DPYSL5: variants seen among roughly 807,000 people sequenced by gnomAD.
DPYSL5 encodes the protein dihydropyrimidinase like 5, also known as dihydropyrimidinase-related protein 5.
DPYSL5 carries 9 observed loss-of-function variants against 58.4 expected under a neutral mutation model. The ratio of observed to expected loss-of-function variants is 0.15; its 90% CI spans 0.09 to 0.27. DPYSL5 has a LOEUF of 0.27. Among genes scored for constraint, DPYSL5 ranks in the 10% least tolerant of loss-of-function variants. The pLI, the probability that DPYSL5 is intolerant of heterozygous loss-of-function variation, is 1.00. For missense variants in DPYSL5, 499 were observed against 770.6 expected, an observed-to-expected ratio of 0.65 and a Z score of 4.17; for synonymous variants, 293 against 301.9, an observed-to-expected ratio of 0.97 and a Z score of 0.31.
At chr2:26,864,997 C>T (rs1276308291) in intron 1 of DPYSL5, among the ~76,000 whole-genome samples, 1 of 152,178 alleles carries the variant, frequency 6.6e-6, no homozygotes, top group Non-Finnish European at 1.5e-5. Context: ...CCTCGTTGCC[C>T]TGAGCCTCCA....
At chr2:26,892,752 T>TG (rs1282769720) in intron 1 of DPYSL5, among the ~76,000 whole-genome samples, 1 of 78,336 alleles carries the variant, frequency 1.3e-5, no homozygotes, top group Non-Finnish European at 2.6e-5. Flanking sequence ...GCATTGGGTT[T>TG]GTTTGAGAGA....
At chr2:26,929,967 G>C (rs1196006455) in intron 5 of DPYSL5, among the ~76,000 whole-genome samples, 1 of 152,224 alleles carries the variant, frequency 6.6e-6, no homozygotes, top group Admixed American at 6.5e-5. Flanking sequence ...AAATGCAGAT[G>C]GGTGGTTGGT....
chr2:26,931,220 T>C (rs1340972315), intron 5 of DPYSL5, among the ~76,000 whole-genome samples: 2 of 119,906 alleles, frequency 1.7e-5, no homozygotes, highest in African/African-American at 3.2e-5. Flanking sequence ...TATATATATA[T>C]ATATATATAT....
chr2:26,940,535 C>A, intron 9 of DPYSL5, among the ~76,000 whole-genome samples: 1 of 145,506 alleles, frequency 6.9e-6, no homozygotes, highest in Admixed American at 7.0e-5. Context: ...ACTATGTTGT[C>A]CAGACAGGTC....
chr2:26,937,729 T>C (rs1665215842), intron 8 of DPYSL5, among the ~76,000 whole-genome samples: 1 of 149,886 alleles, frequency 6.7e-6, no homozygotes, highest in Non-Finnish European at 1.5e-5. Flanking sequence ...TGCACCACCA[T>C]GCCTGGCTAG....
intron 2 of DPYSL5, among the ~76,000 whole-genome samples, chr2:26,910,163 T>C (rs1664396888): frequency 6.6e-6 from 1 of 152,236 alleles, no homozygotes; most frequent in South Asian, 2.1e-4. Context: ...ATTAAGTTTT[T>C]GGCTGTTAAA....
chr2:26,886,603 T>C (rs960546079), intron 1 of DPYSL5, among the ~76,000 whole-genome samples: 7 of 152,254 alleles, frequency 4.6e-5, no homozygotes, highest in African/African-American at 1.4e-4. Context: ...TGTGCTTTAA[T>C]ATTAGTTAAG....
chr2:26,874,772 T>C (rs896030196), intron 1 of DPYSL5, among the ~76,000 whole-genome samples: 3 of 152,236 alleles, frequency 2.0e-5, no homozygotes, highest in African/African-American at 7.2e-5. Flanking sequence ...CTGGGTTTGA[T>C]TGATTCCACC....
chr2:26,877,006 C>T lies in DPYSL5; in HGVS notation c.-4-21490C>T, dbSNP rs1663428092. 7.1e-6 allele frequency among the ~76,000 whole-genome samples: 1 copy of T among 140,996 alleles called. No homozygotes were observed. The highest frequency in any genetic ancestry group is 1.5e-5 in the Non-Finnish European group (1 of 65,544). 92.5% of individuals were successfully genotyped at this position (140,996 alleles called of 152,430 possible). On this transcript the variant is annotated intron_variant, in intron 1 of 12. Coordinates refer to ENST00000288699, the MANE Select transcript of DPYSL5 (RefSeq NM_020134.4). The surrounding 1 kb of genome is among the most constrained non-coding windows in gnomAD (Gnocchi z 4.1). ...TTTGAGAACGAAGTCTCGCTCTTGTCCCCTGGCTGGAGTGCAATGGCGTGA... is the reference window on the plus strand; with the variant it reads ...TTTGAGAACGAAGTCTCGCTCTTGTTCCCTGGCTGGAGTGCAATGGCGTGA...
In DPYSL5 at chr2:26,867,443, GT is replaced by G. The variant is rs982589815; in HGVS notation, c.-5+19200del. Among the ~76,000 whole-genome samples the G allele has an allele frequency of 1.3e-3, 173 of 136,392 alleles. 1 individual carries two copies. Among genetic ancestry groups the G allele is most frequent in the Middle Eastern group, 3.8e-3 (1 of 262 alleles). The allele number at this position is 136,392 out of a possible 152,430, so 89.5% of individuals were successfully genotyped here. ...ACATTCGGTTTGTTCCCAATTGTTT[GT>G]TTTTTTTTTTGTTTGTTTTTTTTTT... On this transcript the variant is annotated intron_variant, in intron 1 of 12. Transcript: ENST00000288699.
At chr2:26,851,247 ATCT>A (rs1665742943) in intron 1 of DPYSL5, among the ~76,000 whole-genome samples, 2 of 72,380 alleles carry the variant, frequency 2.8e-5, no homozygotes, top group African/African-American at 8.8e-5. Flanking sequence ...AAAGGATGTA[ATCT>A]TCTTAAAGCA....
At chr2:26,885,465 G>A (rs559287956) in intron 1 of DPYSL5, among the ~76,000 whole-genome samples, 89 of 152,242 alleles carry the variant, frequency 5.8e-4, no homozygotes, top group African/African-American at 2.1e-3. Context: ...TGGTGCAGAT[G>A]GTCCCCAGGT....
Position 26,933,595 on chromosome 2 carries a change from A to G in DPYSL5, c.790+262A>G, listed in dbSNP as rs1301776083. Among the ~76,000 whole-genome samples, 1 of 152,232 alleles carries G rather than the reference A, an allele frequency of 6.6e-6. No homozygotes were observed. The highest frequency in any genetic ancestry group is 1.5e-5 in the Non-Finnish European group (1 of 68,042). ...GTCTGTCACTTCTCCTGGGTCTGGT[A>G]ACATTTTCCAAGTTTTAAACCCACT... is the stretch of plus-strand genomic sequence containing the variant. On this transcript the variant is annotated intron_variant, in intron 7 of 12. Transcript: ENST00000288699. This position sits in a 1 kb window ranked among gnomAD's most constrained non-coding sequence, Gnocchi z 4.2.
chr2:26,898,464 C>A lies in DPYSL5; in HGVS notation c.-4-32C>A. 1 of 1,604,858 alleles carries A rather than the reference C, an allele frequency of 6.2e-7. No individual in the cohort carries two copies. The highest frequency in any genetic ancestry group is 8.5e-7 in the Non-Finnish European group (1 of 1,174,052). ...GGAAACTGGAAACAGTGAGAAGGGACTTTGACCTTGACCATGCTCACCTTC... is the reference window on the plus strand; with the variant it reads ...GGAAACTGGAAACAGTGAGAAGGGAATTTGACCTTGACCATGCTCACCTTC... On this transcript the variant is annotated intron_variant, in intron 1 of 12. Coordinates refer to ENST00000288699, the MANE Select transcript of DPYSL5 (RefSeq NM_020134.4). This position sits in a 1 kb window ranked among gnomAD's most constrained non-coding sequence, Gnocchi z 6.1.
intron 5 of DPYSL5, 100 bp downstream of exon 5, chr2:26,928,423 C>A: frequency 7.6e-7 from 1 of 1,324,242 alleles, no homozygotes; most frequent in African/African-American, 1.5e-5. Flanking sequence ...TAGCCAGGCA[C>A]AAGGGCTCAT....
rs189061099 is a variant in DPYSL5 at position 26,934,955 on chromosome 2, C to T, written c.947+221C>T. 6.6e-6 allele frequency among the ~76,000 whole-genome samples: 1 copy of T among 152,296 alleles called. No homozygotes were observed. The highest frequency in any genetic ancestry group is 1.9e-4 in the East Asian group (1 of 5,190). On this transcript the variant is annotated intron_variant, in intron 8 of 12. Coordinates refer to ENST00000288699, the MANE Select transcript of DPYSL5 (RefSeq NM_020134.4). This position sits in a 1 kb window ranked among gnomAD's most constrained non-coding sequence, Gnocchi z 4.3. ...TCTTCTGAAGTATAAGAGTGAAGAG[C>T]ACATATAGAACTGTGAACCGTGGTT...
intron 1 of DPYSL5, among the ~76,000 whole-genome samples, chr2:26,895,941 G>A (rs756916409): frequency 1.3e-5 from 2 of 151,330 alleles, no homozygotes; most frequent in South Asian, 2.1e-4. Context: ...CACCACGCCC[G>A]GCTAGTTCTT....
chr2:26,888,675 A>T (rs556590147), intron 1 of DPYSL5, among the ~76,000 whole-genome samples: 2 of 150,536 alleles, frequency 1.3e-5, no homozygotes, highest in South Asian at 4.2e-4. Flanking sequence ...TTGCATAGAT[A>T]AAATAACTGG....
At chr2:26,945,074 T>C (rs1018243834) in intron 12 of DPYSL5, among the ~76,000 whole-genome samples, 3 of 152,116 alleles carry the variant, frequency 2.0e-5, no homozygotes, top group African/African-American at 7.2e-5. Flanking sequence ...GGTTTCTAAG[T>C]TCAGATATTT....
Sources: gnomAD v4.1 joint callset for allele counts (sites outside exome capture counted in the v4.1 genomes callset) on GRCh38, gnomAD v4.1.1 for gene constraint, Gnocchi (gnomAD v3.1) non-coding constraint, MANE v1.5 for transcripts, NCBI Gene and HGNC (gene_info 2026-07-23, HGNC 2026-07-21) for gene names.